Variants in TRPM3 observed in about 807,000 individuals in gnomAD.
The protein encoded by TRPM3 is transient receptor potential cation channel subfamily M member 3.
In TRPM3, 77 loss-of-function variants were observed where a neutral mutation model predicts 181.2. The ratio of observed to expected loss-of-function variants is 0.42; its 90% CI spans 0.35 to 0.51. The LOEUF (loss-of-function observed/expected upper bound fraction) is 0.51, where lower values mean the gene tolerates loss of function less well. Ranked by LOEUF, TRPM3 falls within the 20% of genes least tolerant of loss-of-function variation. The pLI is 0.01. For synonymous variants in TRPM3, 745 were observed against 796.4 expected (o/e 0.94, Z 1.09); for missense variants, 1,759 against 2,196.7 (o/e 0.80, Z 3.98).
chr9:70,632,010 G>A lies in TRPM3; in HGVS notation c.1632+3201C>T, dbSNP rs11142520. On this transcript the variant is annotated intron_variant, in intron 12 of 25. Coordinates refer to ENST00000677713, the MANE Select transcript of TRPM3 (RefSeq NM_001366145.2). ...ACTGTGTTCCTAACTCATGAATAGCGTTTTGTACCAGAGTTAATAACTTAT... is the reference window on the plus strand; with the variant it reads ...ACTGTGTTCCTAACTCATGAATAGCATTTTGTACCAGAGTTAATAACTTAT... Among the ~76,000 whole-genome samples, 15 of 152,270 alleles carry A rather than the reference G, an allele frequency of 9.9e-5. No individual in the cohort carries two copies. The East Asian group carries it at 1.5e-3, about 16-fold the overall frequency.
intron 1 of TRPM3, among the ~76,000 whole-genome samples, chr9:70,933,437 T>A (rs1027394962): frequency 6.6e-6 from 1 of 152,060 alleles, no homozygotes; most frequent in Non-Finnish European, 1.5e-5. Context: ...GAAAACCAGA[T>A]AAGTGTAGAA....
intron 19 of TRPM3, among the ~76,000 whole-genome samples, chr9:70,604,841 T>A (rs2060721039): frequency 6.6e-6 from 1 of 152,062 alleles, no homozygotes; most frequent in Admixed American, 6.5e-5. Context: ...GGAGACAGCA[T>A]CTCACTTTGT....
intron 1 of TRPM3, among the ~76,000 whole-genome samples, chr9:70,962,293 T>G (rs1332829133): frequency 6.6e-6 from 1 of 151,810 alleles, no homozygotes; most frequent in Non-Finnish European, 1.5e-5. Flanking sequence ...CAGTGATGAG[T>G]TAAAATCCAC....
intron 1 of TRPM3, among the ~76,000 whole-genome samples, chr9:71,312,448 T>C (rs1048136760): frequency 2.2e-4 from 34 of 152,160 alleles, no homozygotes; most frequent in African/African-American, 7.2e-4. Flanking sequence ...TCATTGTTGA[T>C]GGGAATGCAA....
chr9:70,851,454 A>G (rs1446405796), intron 3 of TRPM3, among the ~76,000 whole-genome samples: 4 of 152,240 alleles, frequency 2.6e-5, no homozygotes, highest in Non-Finnish European at 5.9e-5. Context: ...ATTTTTAGGA[A>G]TAAGCCTCCC....
At chr9:70,668,460 C>T (rs1273610777) in intron 9 of TRPM3, among the ~76,000 whole-genome samples, 3 of 151,854 alleles carry the variant, frequency 2.0e-5, no homozygotes, top group South Asian at 2.1e-4. Flanking sequence ...GTCAGGAGAT[C>T]GAGACCATCC....
intron 1 of TRPM3, among the ~76,000 whole-genome samples, chr9:71,445,035 T>C (rs2116199): frequency 0.66 from 100,970 of 152,134 alleles, 36,165 homozygotes; most frequent in Non-Finnish European, 0.81. Flanking sequence ...CAGGAGGACA[T>C]AGTTACTTTT....
At chr9:71,195,247 G>C (rs901836890) in intron 1 of TRPM3, among the ~76,000 whole-genome samples, 2 of 151,994 alleles carry the variant, frequency 1.3e-5, no homozygotes, top group Non-Finnish European at 2.9e-5. Context: ...GAACATTTTT[G>C]CAAATTATGC....
At chr9:70,665,917 T>C (rs1051387281) in intron 9 of TRPM3, among the ~76,000 whole-genome samples, 2 of 152,326 alleles carry the variant, frequency 1.3e-5, no homozygotes, top group South Asian at 2.1e-4. Flanking sequence ...TCAGGAACCA[T>C]ATATGCTTCA....
chr9:70,675,821 T>C lies in TRPM3; in HGVS notation c.1345+5685A>G, dbSNP rs76764383. On this transcript the variant is annotated intron_variant, in intron 9 of 25. Coordinates refer to ENST00000677713, the MANE Select transcript of TRPM3 (RefSeq NM_001366145.2). The stretch of plus-strand genomic sequence containing the variant: ...GTTAATTCCAAAGATCGCTATCTCC[T>C]TTTTTGTCTTTTTGACATGAAAGAA... 5.2e-3 allele frequency among the ~76,000 whole-genome samples: 794 copies of C among 152,328 alleles called. 9 individuals carry two copies. The highest frequency in any genetic ancestry group is 0.018 in the African/African-American group (752 of 41,570).
At chr9:71,016,262 CT>C (rs2097784663) in intron 1 of TRPM3, among the ~76,000 whole-genome samples, 1 of 139,254 alleles carries the variant, frequency 7.2e-6, no homozygotes, top group Non-Finnish European at 1.6e-5. Flanking sequence ...GTGTGTGTAT[CT>C]GTGTGTGTAT....
chr9:71,331,919 GGAA>G (rs2090213106), intron 1 of TRPM3, among the ~76,000 whole-genome samples: 2 of 138,072 alleles, frequency 1.4e-5, no homozygotes, highest in African/African-American at 2.7e-5. Flanking sequence ...AAGAAGAGGA[GGAA>G]GAGGAAGAAG....
intron 12 of TRPM3, among the ~76,000 whole-genome samples, chr9:70,634,300 G>A (rs1192356709): frequency 1.3e-5 from 2 of 152,094 alleles, no homozygotes; most frequent in Non-Finnish European, 2.9e-5. Context: ...AGTAGAGACA[G>A]GGTTTCACCA....
chr9:70,564,736 G>T (rs1277264470), intron 22 of TRPM3, among the ~76,000 whole-genome samples: 3 of 152,136 alleles, frequency 2.0e-5, no homozygotes, highest in Admixed American at 6.6e-5. Flanking sequence ...CACCTCCAAA[G>T]AAATAATCTA....
intron 1 of TRPM3, among the ~76,000 whole-genome samples, chr9:71,362,582 A>T (rs1347763118): frequency 6.6e-6 from 1 of 152,220 alleles, no homozygotes; most frequent in Non-Finnish European, 1.5e-5. Flanking sequence ...CTCTAAAAAT[A>T]TAAGAGTTGA....
intron 17 of TRPM3, among the ~76,000 whole-genome samples, chr9:70,616,497 ATC>A (rs1007247707): frequency 2.4e-5 from 3 of 124,062 alleles, no homozygotes; most frequent in African/African-American, 8.9e-5. Flanking sequence ...CAATTCATAC[ATC>A]TGTCCACTGG....
At chr9:70,549,045 G>A (rs2045822255) in intron 25 of TRPM3, among the ~76,000 whole-genome samples, 1 of 151,948 alleles carries the variant, frequency 6.6e-6, no homozygotes, top group African/African-American at 2.4e-5. Context: ...AACAATTCTG[G>A]GGAAAAATCC....
At chr9:70,923,619 T>C (rs1310582126) in intron 1 of TRPM3, among the ~76,000 whole-genome samples, 1 of 152,018 alleles carries the variant, frequency 6.6e-6, no homozygotes, top group Admixed American at 6.6e-5. Context: ...AGAAAATCTT[T>C]GTATTTCCTA....
intron 1 of TRPM3, among the ~76,000 whole-genome samples, chr9:71,415,439 A>G (rs1014656527): frequency 6.6e-6 from 1 of 152,088 alleles, no homozygotes; most frequent in Admixed American, 6.6e-5. Context: ...TTAAATACAT[A>G]TATTTTTCTA....
Sources: allele counts gnomAD v4.1 joint callset (sites outside exome capture counted in the v4.1 genomes callset), GRCh38; gene constraint gnomAD v4.1.1; transcripts MANE v1.5; gene names NCBI Gene and HGNC (gene_info 2026-07-23, HGNC 2026-07-21).